Variants in PSD3 observed in about 807,000 individuals in gnomAD.
The protein encoded by PSD3 is PH and SEC7 domain-containing protein 3.
In PSD3, 49 loss-of-function variants were observed where a neutral mutation model predicts 105.5. That is an observed-to-expected ratio of 0.46 (90% CI 0.37 to 0.59). PSD3 has a LOEUF of 0.59. PSD3 is among the 20% of genes least tolerant of loss of function. PSD3 has a pLI of 0.00. For synonymous variants in PSD3, 557 were observed against 457.8 expected (o/e 1.22, Z -2.77); for missense variants, 1,561 against 1,263.8 (o/e 1.24, Z -3.57).
chr8:18,542,823 C>T (rs891535773), intron 15 of PSD3, among the ~76,000 whole-genome samples: 1 of 152,112 alleles, frequency 6.6e-6, no homozygotes, highest in Non-Finnish European at 1.5e-5. Flanking sequence ...AAAGACAGTT[C>T]CAGAAAAATG....
At chr8:19,079,497 C>G (rs1829573245) in intron 1 of PSD3, among the ~76,000 whole-genome samples, 1 of 152,260 alleles carries the variant, frequency 6.6e-6, no homozygotes, top group Non-Finnish European at 1.5e-5. Context: ...ATCTAGAATA[C>G]TATTTTATGA....
chr8:18,898,941 TTTTAAC>T (rs1173625350), intron 2 of PSD3, among the ~76,000 whole-genome samples: 1 of 152,160 alleles, frequency 6.6e-6, no homozygotes, highest in Non-Finnish European at 1.5e-5. Flanking sequence ...GTTTCTGTCT[TTTTAAC>T]TTTTTCATTT....
intron 9 of PSD3, among the ~76,000 whole-genome samples, chr8:18,728,168 A>G (rs1464630723): frequency 1.3e-5 from 2 of 152,166 alleles, no homozygotes; most frequent in Admixed American, 1.3e-4. Context: ...TCATCACTTC[A>G]GCCTTCACTG....
chr8:18,535,888 C>G lies in PSD3; in HGVS notation c.2999G>C (p.Ser1000Thr). The G allele has an allele frequency of 6.2e-7, 1 of 1,614,188 alleles. No individual in the cohort carries two copies. Among genetic ancestry groups the G allele is most frequent in the South Asian group, 1.1e-5 (1 of 91,078 alleles). Reference sequence around the variant, plus strand: ...CGACTTCTTCAGTCCTGCAGCCTCGCTTTCATCGTTACTCAGTAGCTCTTT... The same window carrying G: ...CGACTTCTTCAGTCCTGCAGCCTCGGTTTCATCGTTACTCAGTAGCTCTTT... ...GGKELLSNDE[S>T]EAAGLKKSHS... The change falls in exon 16 of 16, where the codon AGC (serine) becomes ACC (threonine). Residue 1000 changes from serine (S) to threonine (T), a missense_variant. By Grantham distance (58) the Ser-to-Thr change is moderately conservative. Coordinates refer to ENST00000327040, the MANE Select transcript of PSD3 (RefSeq NM_015310.4).
At chr8:18,972,345 G>A (rs1039371502) in intron 1 of PSD3, among the ~76,000 whole-genome samples, 1 of 152,158 alleles carries the variant, frequency 6.6e-6, no homozygotes, top group Non-Finnish European at 1.5e-5. Flanking sequence ...AGGGGAGCAG[G>A]GAGTCTGTAA....
At chr8:18,716,780 T>C (rs1010577185) in intron 9 of PSD3, among the ~76,000 whole-genome samples, 3 of 152,188 alleles carry the variant, frequency 2.0e-5, no homozygotes, top group Non-Finnish European at 2.9e-5. Context: ...AATGTACAAT[T>C]TTAAAGTGAC....
At chr8:18,787,565 A>C (rs1040729929) in intron 8 of PSD3, among the ~76,000 whole-genome samples, 3 of 152,184 alleles carry the variant, frequency 2.0e-5, no homozygotes, top group African/African-American at 7.2e-5. Flanking sequence ...ATATTTGGCT[A>C]ATCAAGGTAT....
chr8:18,825,350 T>C lies in PSD3; in HGVS notation c.1635-20452A>G, dbSNP rs377404845. Among the ~76,000 whole-genome samples, 119 of 152,326 alleles carry C rather than the reference T, an allele frequency of 7.8e-4. 2 individuals carry two copies. The South Asian group carries it at 0.024, about 31-fold the overall frequency. ...CTGTAAGAGTCACCTGGGAAGCTTG[T>C]TAAAAACACACATGGCCAGGTACCA... On this transcript the variant is annotated intron_variant, in intron 4 of 15. Coordinates refer to ENST00000327040, the MANE Select transcript of PSD3 (RefSeq NM_015310.4).
At chr8:18,624,117 G>C (rs893767998) in intron 11 of PSD3, among the ~76,000 whole-genome samples, 2 of 151,952 alleles carry the variant, frequency 1.3e-5, no homozygotes, top group Non-Finnish European at 2.9e-5. Flanking sequence ...AGTTTTTATA[G>C]GTGTATACAC....
intron 1 of PSD3, among the ~76,000 whole-genome samples, chr8:19,074,192 C>A (rs1040406153): frequency 2.6e-5 from 4 of 152,178 alleles, no homozygotes; most frequent in Admixed American, 2.6e-4. Context: ...ACTCCCAGTA[C>A]GGTCTGACCA....
chr8:18,919,223 C>A (rs1056474523), intron 2 of PSD3, among the ~76,000 whole-genome samples: 1 of 152,178 alleles, frequency 6.6e-6, no homozygotes, highest in East Asian at 1.9e-4. Flanking sequence ...CCCTTTCAAA[C>A]AAGCTGACTG....
intron 2 of PSD3, among the ~76,000 whole-genome samples, chr8:18,935,133 T>G (rs757785213): frequency 2.0e-5 from 3 of 152,144 alleles, no homozygotes; most frequent in Non-Finnish European, 4.4e-5. Flanking sequence ...CACCACACAG[T>G]AAGTAATCTA....
chr8:18,947,899 C>T (rs1444477171), intron 1 of PSD3, among the ~76,000 whole-genome samples: 3 of 152,034 alleles, frequency 2.0e-5, no homozygotes, highest in Non-Finnish European at 4.4e-5. Context: ...GTAATAAAGC[C>T]TCCCATAAAA....
At chr8:18,687,061 G>A (rs927881002) in intron 9 of PSD3, among the ~76,000 whole-genome samples, 1 of 152,168 alleles carries the variant, frequency 6.6e-6, no homozygotes, top group East Asian at 1.9e-4. Context: ...GGCCAAAACA[G>A]AACCTGGTGA....
At chr8:18,933,673 G>C (rs1216741289) in intron 2 of PSD3, among the ~76,000 whole-genome samples, 5 of 152,084 alleles carry the variant, frequency 3.3e-5, no homozygotes, top group African/African-American at 1.2e-4. Context: ...TCACCATGTT[G>C]GCCAGGCTGG....
intron 15 of PSD3, among the ~76,000 whole-genome samples, chr8:18,550,762 G>A (rs774815483): frequency 2.6e-5 from 4 of 152,052 alleles, no homozygotes; most frequent in Non-Finnish European, 4.4e-5. Context: ...ACCATCTTAA[G>A]TCGGGAACCA....
chr8:18,590,564 A>G (rs1803523951), intron 12 of PSD3, among the ~76,000 whole-genome samples: 1 of 152,204 alleles, frequency 6.6e-6, no homozygotes, highest in South Asian at 2.1e-4. Context: ...GAGGTAATTT[A>G]GAAATATGTT....
rs1821193831 is a variant in PSD3, at chr8:18,923,929, A to G, written c.130+12105T>C. On this transcript the variant is annotated intron_variant, in intron 2 of 15. Transcript: ENST00000327040. ...ATGTGTGTGTTTTATATATATATAC[A>G]TATATTAAACACCAATCTAAAAAAA... 1.3e-5 allele frequency among the ~76,000 whole-genome samples: 2 copies of G among 152,050 alleles called. 1 individual carries two copies. Among genetic ancestry groups the G allele is most frequent in the Admixed American group, 1.3e-4 (2 of 15,238 alleles).
chr8:18,877,542 T>G (rs1004521406), intron 2 of PSD3, among the ~76,000 whole-genome samples: 1 of 150,342 alleles, frequency 6.7e-6, no homozygotes, highest in African/African-American at 2.5e-5. Context: ...TGCCTATCTT[T>G]TTTTTTTTTT....
Sources: allele counts gnomAD v4.1 joint callset (sites outside exome capture counted in the v4.1 genomes callset), GRCh38; gene constraint gnomAD v4.1.1; transcripts MANE v1.5; gene names NCBI Gene and HGNC (gene_info 2026-07-23, HGNC 2026-07-21).